LMF1: variants seen among roughly 807,000 people sequenced by gnomAD.
LMF1 encodes the protein lipase maturation factor 1.
LMF1 carries 68 observed loss-of-function variants against 60.6 expected under a neutral mutation model. The ratio of observed to expected loss-of-function variants is 1.12; its 90% confidence interval spans 0.92 to 1.37. The LOEUF (loss-of-function observed/expected upper bound fraction) is 1.37, where lower values mean the gene tolerates loss of function less well. Among genes scored for constraint, LMF1 ranks in the 40% most tolerant of loss-of-function variants. The pLI, the probability that LMF1 is intolerant of heterozygous loss-of-function variation, is 0.00. For synonymous variants in LMF1, 418 were observed against 324.7 expected (o/e 1.29, Z -3.09); for missense variants, 948 against 767.2 (o/e 1.24, Z -2.78).
At chr16:869,212 T>C (rs979976610) in intron 9 of LMF1, 156 bp from the exon 10 acceptor site, 5 of 677,104 alleles carry the variant, frequency 7.4e-6, no homozygotes, top group Non-Finnish European at 1.3e-5. Context: ...GGGGTCCCCT[T>C]AAGGGGCTGC....
chr16:889,702 G>C (rs2070420993), intron 5 of LMF1, among the ~76,000 whole-genome samples: 1 of 152,180 alleles, frequency 6.6e-6, no homozygotes, highest in Non-Finnish European at 1.5e-5. Flanking sequence ...TGGGGCAGAG[G>C]GCACGGCTCG....
chr16:929,531 C>G (rs2071709175), intron 3 of LMF1, among the ~76,000 whole-genome samples: 1 of 152,254 alleles, frequency 6.6e-6, no homozygotes, highest in African/African-American at 2.4e-5. Context: ...CGGGTTCCCG[C>G]ATCCTTTCCA....
chr16:977,530 T>C (rs911608966), intron 1 of LMF1, among the ~76,000 whole-genome samples: 4 of 152,094 alleles, frequency 2.6e-5, no homozygotes, highest in Non-Finnish European at 5.9e-5. Context: ...GCCCCACGGG[T>C]GCTCGGGATG....
At chr16:909,393 C>G (rs1432434099) in intron 4 of LMF1, among the ~76,000 whole-genome samples, 2 of 152,194 alleles carry the variant, frequency 1.3e-5, no homozygotes, top group African/African-American at 4.8e-5. Flanking sequence ...CAGCCCCTCA[C>G]AGTGCACCAA....
chr16:914,680 CCATGACCATTGGTGACACA>C (rs2071227732), intron 3 of LMF1, among the ~76,000 whole-genome samples: 25 of 59,742 alleles, frequency 4.2e-4, no homozygotes, highest in Non-Finnish European at 4.7e-4. Flanking sequence ...TCCCTCCCTC[CCATGACCATTGGTGACACA>C]CTCCCTCCCA....
intron 3 of LMF1, chr16:931,938 C>T: frequency 1.6e-6 from 1 of 635,956 alleles, no homozygotes; most frequent in Non-Finnish European, 2.3e-6. Context: ...ATGACGCTCA[C>T]CTGAAAACAC....
rs1174251598 is a variant in LMF1 at position 872,507 on chromosome 16, C to T, written c.898-1166G>A. ...TCCACTGTCTACAAGGTTACTAAAC[C>T]CCTGTGCCAAAAACAGCCCCGCCTC... On this transcript the variant is annotated intron_variant, in intron 6 of 10. Transcript: ENST00000262301. 6 of 152,358 alleles carry T rather than the reference C, an allele frequency of 3.9e-5. No individual in the cohort carries two copies. The East Asian group carries it at 1.2e-3, about 29-fold the overall frequency. 9.4% of individuals were successfully genotyped at this position (152,358 alleles called of 1,614,324 possible).
chr16:931,755 G>A, intron 3 of LMF1: 1 of 1,287,240 alleles, frequency 7.8e-7, no homozygotes, highest in Non-Finnish European at 1.0e-6. Flanking sequence ...CGAGTCTTCT[G>A]AATTTCTGCG....
chr16:967,785 G>T (rs1038686606), intron 1 of LMF1, among the ~76,000 whole-genome samples: 2 of 152,194 alleles, frequency 1.3e-5, no homozygotes, highest in African/African-American at 4.8e-5. Flanking sequence ...GGGCAGGGCT[G>T]AACTCCAGGG....
chr16:868,087 C>G (rs923457334), intron 10 of LMF1, among the ~76,000 whole-genome samples: 1 of 152,132 alleles, frequency 6.6e-6, no homozygotes, highest in East Asian at 1.9e-4. Flanking sequence ...GTTCCTGCTA[C>G]CTCCAGGGGG....
chr16:858,087 C>T (rs2069264500), intron 10 of LMF1, among the ~76,000 whole-genome samples: 1 of 98,360 alleles, frequency 1.0e-5, no homozygotes, highest in Non-Finnish European at 1.9e-5. Context: ...AGTGGTGTCT[C>T]GGGATGGGTG....
chr16:907,645 C>T (rs542836694), intron 4 of LMF1, among the ~76,000 whole-genome samples: 7 of 152,232 alleles, frequency 4.6e-5, no homozygotes, highest in East Asian at 1.9e-4. Flanking sequence ...GCCAAGCTGA[C>T]GGTGCGGCGC....
intron 6 of LMF1, among the ~76,000 whole-genome samples, 152 bp downstream of exon 6, chr16:879,418 G>C (rs958196029): frequency 6.6e-6 from 1 of 152,180 alleles, no homozygotes; most frequent in Non-Finnish European, 1.5e-5. Flanking sequence ...AGTGGGGCCC[G>C]TGACACAAAC....
At chr16:889,608 GGGGCACC>G (rs1435739331) in intron 5 of LMF1, among the ~76,000 whole-genome samples, 1 of 152,168 alleles carries the variant, frequency 6.6e-6, no homozygotes, top group Non-Finnish European at 1.5e-5. Context: ...TTCCAAGAAA[GGGGCACC>G]CCCCTCTGAC....
intron 10 of LMF1, among the ~76,000 whole-genome samples, chr16:862,887 C>T (rs907928959): frequency 2.6e-5 from 4 of 152,018 alleles, no homozygotes; most frequent in African/African-American, 4.8e-5. Context: ...ATAAATAAAA[C>T]GTAAATTGAT....
intron 1 of LMF1, among the ~76,000 whole-genome samples, chr16:960,556 C>A: frequency 7.4e-6 from 1 of 134,824 alleles, no homozygotes; most frequent in East Asian, 2.1e-4. Context: ...GACCCAGACA[C>A]AGACTCACGG....
At chr16:900,954 T>C (rs1458440658) in intron 4 of LMF1, 1 of 152,090 alleles carries the variant, frequency 6.6e-6, no homozygotes, top group African/African-American at 2.4e-5. Context: ...AGGCAAACAC[T>C]CACACCAAAG....
intron 3 of LMF1, among the ~76,000 whole-genome samples, chr16:924,949 G>A (rs2151772230): frequency 6.6e-6 from 1 of 152,354 alleles, no homozygotes; most frequent in South Asian, 2.1e-4. Flanking sequence ...CTGCTAGGGG[G>A]TGGCAAGGCC....
exon 1 of LMF1, chr16:981,205 C>G (rs923896144): frequency 2.2e-6 from 1 of 455,014 alleles, no homozygotes; most frequent in African/African-American, 2.0e-5. Context: ...GCGGCGGAAC[C>G]GACCCTGTCC....
Sources: gnomAD v4.1 joint callset for allele counts (sites outside exome capture counted in the v4.1 genomes callset) on GRCh38, gnomAD v4.1.1 for gene constraint, MANE v1.5 for transcripts, NCBI Gene and HGNC (gene_info 2026-07-23, HGNC 2026-07-21) for gene names.